Variants in PTPRF observed in about 807,000 individuals in gnomAD.
PTPRF encodes the protein receptor-type tyrosine-protein phosphatase F.
PTPRF carries 59 observed loss-of-function variants against 201.8 expected under a neutral mutation model. The observed-to-expected ratio is 0.29, with a 90% confidence interval of 0.24 to 0.36. PTPRF has a LOEUF of 0.36. Ranked by LOEUF, PTPRF falls within the 10% of genes least tolerant of loss-of-function variation. PTPRF has a pLI of 1.00. For synonymous variants in PTPRF, 1,088 were observed against 1,089.7 expected (o/e 1.00, Z 0.03); for missense variants, 2,132 against 2,690.5 (o/e 0.79, Z 4.59).
In PTPRF at chr1:43,561,696, G is replaced by A. The variant is rs138258644; in HGVS notation, c.379+7755G>A. ...TGACTGCAGTAGATTTCAGATCCAC[G>A]CAGACATGAGGTTCTACAATCATTT... On this transcript the variant is annotated intron_variant, in intron 5 of 33. Coordinates refer to ENST00000359947, the MANE Select transcript of PTPRF (RefSeq NM_002840.5). Among the ~76,000 whole-genome samples the A allele has an allele frequency of 5.3e-5, 8 of 152,274 alleles. No individual in the cohort carries two copies. The East Asian group carries it at 1.3e-3, about 26-fold the overall frequency.
At chr1:43,565,465 G>C (rs1646097317) in intron 5 of PTPRF, among the ~76,000 whole-genome samples, 1 of 152,248 alleles carries the variant, frequency 6.6e-6, no homozygotes, top group Non-Finnish European at 1.5e-5. Context: ...GGAGACCCTA[G>C]GGAATGTGTG....
At position 43,605,299 on chromosome 1, in the gene PTPRF, G is replaced by A; in HGVS notation, c.3245G>A (p.Ser1082Asn). Residue 1082 changes from serine to asparagine, a missense_variant, in exon 18 of 34, where the codon AGC becomes AAC. Coordinates refer to ENST00000359947, the MANE Select transcript of PTPRF (RefSeq NM_002840.5). Reference protein sequence around the residue: ...EYSFVLMNRGSSAGGLQHLVS... With the variant: ...EYSFVLMNRGNSAGGLQHLVS... ...TCGTTTGTGCTGATGAACCGTGGCAGCAGCGCAGGGGGCCTGCAGCACCTG... is the reference window on the plus strand; with the variant it reads ...TCGTTTGTGCTGATGAACCGTGGCAACAGCGCAGGGGGCCTGCAGCACCTG... 2 of 1,613,312 alleles carry A rather than the reference G, an allele frequency of 1.2e-6. No homozygotes were observed. The highest frequency in any genetic ancestry group is 1.7e-6 in the Non-Finnish European group (2 of 1,179,570).
At chr1:43,522,542 A>G (rs749517449), upstream of PTPRF, among the ~76,000 whole-genome samples, 1 of 152,220 alleles carries the variant, frequency 6.6e-6, no homozygotes, top group Non-Finnish European at 1.5e-5. Flanking sequence ...ACAGGCATCA[A>G]TCCATTAAAT....
In PTPRF at chr1:43,619,491, C is replaced by T. The variant is rs775973893; in HGVS notation, c.4850C>T (p.Ala1617Val). 1.9e-6 allele frequency: 3 copies of T among 1,614,054 alleles called. No homozygotes were observed. Among genetic ancestry groups the T allele is most frequent in the South Asian group, 2.2e-5 (2 of 91,090 alleles). The change falls in exon 28 of 34, where the codon GCC becomes GTC. Residue 1617 changes from alanine to valine, a missense_variant. By Grantham distance (64) the Ala-to-Val change is moderately conservative. Around this residue, in one of 6 missense-constraint regions of PTPRF, gnomAD observed 519 missense variants for 659.5 expected, o/e 0.79. Coordinates refer to ENST00000359947, the MANE Select transcript of PTPRF (RefSeq NM_002840.5). The stretch of plus-strand genomic sequence containing the variant: ...ACGTGCGGCCACACAGAGGTGCCTG[C>T]CCGCAACCTGTATGCCCACATCCAG... ...AATCGHTEVPARNLYAHIQKL... is the reference protein window; with the variant it reads ...AATCGHTEVPVRNLYAHIQKL...
intron 5 of PTPRF, among the ~76,000 whole-genome samples, chr1:43,558,337 ACCAGGCCCAACTGCTGTGGCT>A (rs908433125): frequency 6.6e-6 from 1 of 152,014 alleles, no homozygotes; most frequent in Non-Finnish European, 1.5e-5. Flanking sequence ...CTCATGTCAC[ACCAGGCCCAACTGCTGTGGCT>A]CCAGGGCCAC....
chr1:43,560,241 G>T (rs1217312866), intron 5 of PTPRF, among the ~76,000 whole-genome samples: 2 of 151,694 alleles, frequency 1.3e-5, no homozygotes, highest in Admixed American at 6.6e-5. Flanking sequence ...GTGTGTGTGT[G>T]CAGCAGGCAG....
At chr1:43,614,437 G>A (rs1336369266) in intron 23 of PTPRF, among the ~76,000 whole-genome samples, 2 of 152,198 alleles carry the variant, frequency 1.3e-5, no homozygotes, top group Admixed American at 6.5e-5. Flanking sequence ...GGAGCCTGCT[G>A]GGGGCTGAGC....
intron 11 of PTPRF, among the ~76,000 whole-genome samples, chr1:43,595,650 C>T (rs554601187): frequency 1.1e-4 from 16 of 152,086 alleles, no homozygotes; most frequent in Non-Finnish European, 2.1e-4. Flanking sequence ...AGAAGGGGAA[C>T]AGTATGGGTG....
At chr1:43,613,934 C>A (rs1306878865) in intron 23 of PTPRF, among the ~76,000 whole-genome samples, 1 of 152,082 alleles carries the variant, frequency 6.6e-6, no homozygotes, top group East Asian at 1.9e-4. Context: ...TTGGGGTCAC[C>A]CTTAGGAGAT....
Position 43,619,759 on chromosome 1 carries a change from T to A in PTPRF, c.5012T>A (p.Val1671Glu), listed in dbSNP as rs771897426. The change falls in exon 29 of 34, where the codon GTG becomes GAG. Residue 1671 changes from valine to glutamate, a missense_variant. Coordinates refer to ENST00000359947, the MANE Select transcript of PTPRF (RefSeq NM_002840.5). ...TGCAACAAGTTCAAGAACCGGCTGG[T>A]GAACATCATGCCCTACGAATTGACC... ...LPCNKFKNRL[V>E]NIMPYELTRV... is the part of the protein sequence containing the mutation. The A allele has an allele frequency of 6.2e-7, 1 of 1,613,816 alleles. No individual in the cohort carries two copies. The highest frequency in any genetic ancestry group is 8.5e-7 in the Non-Finnish European group (1 of 1,179,986).
At chr1:43,570,704 G>C (rs1388683477) in intron 6 of PTPRF, among the ~76,000 whole-genome samples, 8 of 152,230 alleles carry the variant, frequency 5.3e-5, no homozygotes, top group Admixed American at 1.3e-4. Context: ...ACAGCCCCTT[G>C]GTGCCCAGCA....
Position 43,590,959 on chromosome 1 carries a change from A to C in PTPRF, c.950-13A>C. 6.3e-7 allele frequency: 1 copy of C among 1,596,152 alleles called. No individual in the cohort carries two copies. ...GACCTCGGGCAGCTTTGAGCCTTCCACTTTGTCTCCAGCTCTTCCAAAGCC... is the reference window on the plus strand; with the variant it reads ...GACCTCGGGCAGCTTTGAGCCTTCCCCTTTGTCTCCAGCTCTTCCAAAGCC... On this transcript the variant is annotated splice_polypyrimidine_tract_variant and intron_variant, in intron 8 of 33. Transcript: ENST00000359947.
rs764644238 is a variant in PTPRF, at chr1:43,620,111, A to C, written c.5128A>C (p.Ile1710Leu). 1 of 1,614,102 alleles carries C rather than the reference A, an allele frequency of 6.2e-7. No homozygotes were observed. The highest frequency in any genetic ancestry group is 1.7e-5 in the Admixed American group (1 of 60,018). The change falls in exon 30 of 34, where the codon ATA (isoleucine) becomes CTA (leucine). Residue 1710 changes from isoleucine to leucine, a missense_variant. Physicochemically the swap from Ile to Leu is conservative, Grantham distance 5. Around this residue, in one of 6 missense-constraint regions of PTPRF, gnomAD observed 519 missense variants for 659.5 expected, o/e 0.79. Transcript: ENST00000359947. ...CCACCCCAGACAGCAGAAGGCCTAC[A>C]TAGCTACACAGGGGCCTCTGGCAGA... ...LDGYRQQKAY[I>L]ATQGPLAEST...
At position 43,530,936 on chromosome 1, in the gene PTPRF, GGGCTCGGGCTCCGGCTCC is replaced by G. The variant is rs1360067931; in HGVS notation, c.-274_-257del. On this transcript the variant is annotated 5_prime_UTR_variant, in exon 1 of 34. Transcript: ENST00000359947. The surrounding 1 kb of genome is among the most constrained non-coding windows in gnomAD (Gnocchi z 4.1). ...GCGGCTCCAGCTTCGGCTCCGGCTC[GGGCTCGGGCTCCGGCTCC>G]GGCTCCGGCTCCGGCTCCAGCTCGG... 6.6e-6 allele frequency: 1 copy of G among 151,868 alleles called. No individual in the cohort carries two copies. The allele number at this position is 151,868 out of a possible 1,614,324, so 9.4% of individuals were successfully genotyped here.
chr1:43,566,679 G>A (rs1428735199), intron 5 of PTPRF, among the ~76,000 whole-genome samples: 3 of 152,240 alleles, frequency 2.0e-5, no homozygotes, highest in African/African-American at 7.2e-5. Context: ...GCCTGGATGG[G>A]AGAGAAGGAA....
At chr1:43,597,332 A>G (rs937185285) in intron 11 of PTPRF, among the ~76,000 whole-genome samples, 28 of 151,680 alleles carry the variant, frequency 1.8e-4, no homozygotes, top group African/African-American at 5.8e-4. Context: ...GACACTATGT[A>G]TATGTGACAC....
chr1:43,545,303 G>C lies in PTPRF; in HGVS notation c.91+137G>C, dbSNP rs1569593105. ...AACCCTTTAGACCTTCTGTCCTAGA[G>C]AGCCCCCACTGCTTGGAGAGCCTCC... On this transcript the variant is annotated intron_variant, in intron 3 of 33. Transcript: ENST00000359947. 8 of 875,328 alleles carry C rather than the reference G, an allele frequency of 9.1e-6. No individual in the cohort carries two copies. The East Asian group carries it at 1.9e-4, about 21-fold the overall frequency. 54.2% of individuals were successfully genotyped at this position (875,328 alleles called of 1,614,324 possible).
In PTPRF at chr1:43,591,826, G is replaced by A. The variant is rs201705061; in HGVS notation, c.1546G>A (p.Ala516Thr). 93 of 1,613,168 alleles carry A rather than the reference G, an allele frequency of 5.8e-5. 1 individual carries two copies. In the African/African-American group the frequency reaches 8.8e-4, roughly 15 times the overall value. Residue 516 changes from alanine to threonine, a missense_variant, in exon 10 of 34, where the codon GCG (alanine) becomes ACG (threonine). Ala to Thr is a moderately conservative substitution (Grantham distance 58). Around this residue, in one of 6 missense-constraint regions of PTPRF, gnomAD observed 351 missense variants for 401.7 expected, o/e 0.87. Transcript: ENST00000359947. ...GGGTGTTGCAGTGCCTGCCCAGCCC[G>A]CGGACTTCCAGGCCGAGGTGGAGTC... The part of the protein sequence containing the change: ...KTQQGVPAQP[A>T]DFQAEVESDT...
At chr1:43,614,851 C>T (rs1379759169) in intron 23 of PTPRF, among the ~76,000 whole-genome samples, 3 of 111,726 alleles carry the variant, frequency 2.7e-5, no homozygotes, top group Non-Finnish European at 5.6e-5. Flanking sequence ...GACTCCCTCT[C>T]AAAAAATATA....
Sources: allele counts gnomAD v4.1 joint callset (sites outside exome capture counted in the v4.1 genomes callset), GRCh38; gene constraint gnomAD v4.1.1; regional missense constraint gnomAD v4.1.1; non-coding constraint Gnocchi (gnomAD v3.1); transcripts MANE v1.5; gene names NCBI Gene and HGNC (gene_info 2026-07-23, HGNC 2026-07-21).